DLG2: variants seen among roughly 807,000 people sequenced by gnomAD.
DLG2 encodes the protein discs large MAGUK scaffold protein 2.
A neutral mutation model predicts 132.5 loss-of-function variants in DLG2; 45 were observed. The ratio of observed to expected loss-of-function variants is 0.34; its 90% confidence interval spans 0.27 to 0.44. The LOEUF (loss-of-function observed/expected upper bound fraction) is 0.44. DLG2 is among the 20% of genes least tolerant of loss of function. DLG2 has a pLI of 1.00. For missense variants in DLG2, 1,045 were observed against 1,196.9 expected, an observed-to-expected ratio of 0.87 and a Z score of 1.87; for synonymous variants, 424 against 419.6, an observed-to-expected ratio of 1.01 and a Z score of -0.13.
At position 84,898,122 on chromosome 11, in the gene DLG2, T is replaced by C. The variant is rs796370377; in HGVS notation, c.357+213539A>G. 1.1e-3 allele frequency among the ~76,000 whole-genome samples: 172 copies of C among 152,080 alleles called. 1 individual carries two copies. The highest frequency in any genetic ancestry group is 3.9e-3 in the African/African-American group (163 of 41,562). ...GATATAACAATAAAAATGGTCACTT[T>C]ATATAATTAAAATGTACTTTTTTCC... is the stretch of plus-strand genomic sequence containing the variant. On this transcript the variant is annotated intron_variant, in intron 6 of 27. Coordinates refer to ENST00000376104, the MANE Select transcript of DLG2 (RefSeq NM_001142699.3).
intron 18 of DLG2, among the ~76,000 whole-genome samples, chr11:83,703,711 T>C (rs1271418215): frequency 6.6e-6 from 1 of 152,236 alleles, no homozygotes; most frequent in African/African-American, 2.4e-5. Flanking sequence ...TCCATGCCAA[T>C]TATCTTGAAA....
intron 4 of DLG2, among the ~76,000 whole-genome samples, chr11:85,218,495 C>G (rs971859051): frequency 6.6e-6 from 1 of 152,018 alleles, no homozygotes; most frequent in Non-Finnish European, 1.5e-5. Context: ...CAGAGAGATA[C>G]AAATCAAAAC....
intron 6 of DLG2, among the ~76,000 whole-genome samples, chr11:84,711,694 G>A (rs1209780518): frequency 1.3e-5 from 2 of 151,958 alleles, no homozygotes; most frequent in African/African-American, 2.4e-5. Flanking sequence ...TCTTACTCAG[G>A]CTTTTTGTTC....
intron 3 of DLG2, among the ~76,000 whole-genome samples, chr11:85,503,858 G>A (rs1413193100): frequency 6.6e-6 from 1 of 152,070 alleles, no homozygotes; most frequent in Non-Finnish European, 1.5e-5. Flanking sequence ...CTTGAGCCCT[G>A]GAGATTGAGG....
chr11:83,742,175 A>C (rs2092569578), intron 18 of DLG2, among the ~76,000 whole-genome samples: 1 of 151,498 alleles, frequency 6.6e-6, no homozygotes, highest in African/African-American at 2.4e-5. Flanking sequence ...TGTATAATGG[A>C]AATTTGCTAA....
intron 15 of DLG2, among the ~76,000 whole-genome samples, chr11:83,901,469 G>A (rs2073415151): frequency 1.3e-5 from 2 of 152,112 alleles, no homozygotes; most frequent in Admixed American, 6.5e-5. Flanking sequence ...TTCCTGTGCT[G>A]TTCTTGTGAT....
chr11:83,944,672 C>T (rs2083397775), intron 14 of DLG2, among the ~76,000 whole-genome samples: 1 of 152,158 alleles, frequency 6.6e-6, no homozygotes, highest in Non-Finnish European at 1.5e-5. Flanking sequence ...ATAGATTCAA[C>T]AGATGAGAGA....
At chr11:85,533,658 A>T (rs1244701010) in intron 3 of DLG2, among the ~76,000 whole-genome samples, 1 of 152,032 alleles carries the variant, frequency 6.6e-6, no homozygotes, top group African/African-American at 2.4e-5. Flanking sequence ...ATATAGATAG[A>T]TATACACATA....
chr11:84,573,883 T>A, intron 6 of DLG2, among the ~76,000 whole-genome samples: 1 of 152,270 alleles, frequency 6.6e-6, no homozygotes, highest in Admixed American at 6.5e-5. Context: ...TGCACAAAAC[T>A]TATGAATAAC....
chr11:85,437,138 C>G (rs1165754271), intron 3 of DLG2, among the ~76,000 whole-genome samples: 1 of 151,938 alleles, frequency 6.6e-6, no homozygotes, highest in Admixed American at 6.6e-5. Context: ...TAACATACAC[C>G]AGGAACTGCG....
intron 8 of DLG2, among the ~76,000 whole-genome samples, chr11:84,181,481 T>G (rs1670685): frequency 0.01 from 1,556 of 151,906 alleles, 9 homozygotes; most frequent in Non-Finnish European, 0.015. Context: ...AATTAGAAAA[T>G]GGTAACAGAT....
At chr11:84,613,227 C>T (rs1021391548) in intron 6 of DLG2, among the ~76,000 whole-genome samples, 36 of 151,982 alleles carry the variant, frequency 2.4e-4, no homozygotes, top group African/African-American at 8.0e-4. Flanking sequence ...AAGGAAATAT[C>T]GGTATTTTAT....
At chr11:83,590,984 T>C (rs1335754825) in intron 19 of DLG2, among the ~76,000 whole-genome samples, 8 of 151,936 alleles carry the variant, frequency 5.3e-5, no homozygotes, top group Admixed American at 5.2e-4. Context: ...GGAGCTGAAA[T>C]TGTGGCAATA....
intron 18 of DLG2, among the ~76,000 whole-genome samples, chr11:83,644,338 T>C (rs143606285): frequency 6.6e-6 from 1 of 152,176 alleles, no homozygotes; most frequent in Non-Finnish European, 1.5e-5. Flanking sequence ...TCGATAAATA[T>C]GTTCTACTCC....
chr11:85,080,822 C>T (rs961276459), intron 6 of DLG2, among the ~76,000 whole-genome samples: 2 of 152,088 alleles, frequency 1.3e-5, no homozygotes, highest in African/African-American at 4.8e-5. Flanking sequence ...TAGTTGGAAA[C>T]CATAGAAGAA....
chr11:85,471,908 A>T (rs967001890), intron 3 of DLG2, among the ~76,000 whole-genome samples: 2 of 152,194 alleles, frequency 1.3e-5, no homozygotes, highest in Non-Finnish European at 2.9e-5. Flanking sequence ...TTATATAAGC[A>T]ATCTTAGATT....
At chr11:83,564,650 T>C (rs587863) in intron 19 of DLG2, among the ~76,000 whole-genome samples, 185 of 152,326 alleles carry the variant, frequency 1.2e-3, no homozygotes, top group Middle Eastern at 0.01. Context: ...AAGAAAGTTA[T>C]ATGAGTGAAT....
chr11:85,039,752 A>G (rs1476693163), intron 6 of DLG2, among the ~76,000 whole-genome samples: 2 of 151,926 alleles, frequency 1.3e-5, no homozygotes, highest in African/African-American at 2.4e-5. Flanking sequence ...TTACTCTCTC[A>G]TTTTATTGAT....
At chr11:85,536,353 A>G (rs1220726734) in intron 3 of DLG2, among the ~76,000 whole-genome samples, 1 of 152,144 alleles carries the variant, frequency 6.6e-6, no homozygotes, top group Non-Finnish European at 1.5e-5. Flanking sequence ...GGAGGACCCC[A>G]GAAGCAGACT....
Sources: gnomAD v4.1 joint callset for allele counts (sites outside exome capture counted in the v4.1 genomes callset) on GRCh38, gnomAD v4.1.1 for gene constraint, MANE v1.5 for transcripts, NCBI Gene and HGNC (gene_info 2026-07-23, HGNC 2026-07-21) for gene names.